Variants in FGF13 observed in about 807,000 individuals in gnomAD.
The protein encoded by FGF13 is fibroblast growth factor 13.
Under a neutral mutation model 19.5 loss-of-function variants are expected in FGF13, and 2 were observed. The observed-to-expected ratio is 0.10, with a 90% CI of 0.04 to 0.32. FGF13 has a LOEUF of 0.32. Ranked by LOEUF, FGF13 falls within the 10% of genes least tolerant of loss-of-function variation. FGF13 has a pLI of 1.00. For synonymous variants in FGF13, 72 were observed against 76.9 expected (o/e 0.94, Z 0.33); for missense variants, 113 against 192.7 (o/e 0.59, Z 2.45).
rs146996569 is a variant in FGF13, at chrX:138,785,483, A to G, written c.217+72029T>C. On this transcript the variant is annotated intron_variant, in intron 3 of 6. Coordinates refer to the FGF13 transcript ENST00000436198. ...ATGTAGCTTTTCCTTCTCCACCACT[A>G]TATAGACATCACTGTTATCAAAGTT... 8.4e-3 allele frequency among the ~76,000 whole-genome samples: 929 copies of G among 111,256 alleles called. 50 individuals are homozygous for G. In the East Asian group the frequency reaches 0.19, roughly 23 times the overall value.
At chrX:139,026,086 C>A (rs767830379) in intron 1 of FGF13, among the ~76,000 whole-genome samples, 1 of 110,959 alleles carries the variant, frequency 9.0e-6, no homozygotes, top group Non-Finnish European at 1.9e-5. Context: ...TATTCCAATT[C>A]CCATTGCCCC....
intron 3 of FGF13, among the ~76,000 whole-genome samples, chrX:138,788,013 A>G (rs916802503): frequency 9.0e-6 from 1 of 111,723 alleles, no homozygotes; most frequent in African/African-American, 3.3e-5. Flanking sequence ...AATTCATTCC[A>G]TTCAAACCAA....
chrX:139,097,834 T>C (rs772294431), intron 1 of FGF13, among the ~76,000 whole-genome samples: 10 of 111,918 alleles, frequency 8.9e-5, no homozygotes, highest in Non-Finnish European at 1.7e-4. Flanking sequence ...ATGATATCAT[T>C]GACTATATAG....
chrX:138,796,055 C>CT (rs991496259), intron 3 of FGF13, among the ~76,000 whole-genome samples: 6 of 106,020 alleles, frequency 5.7e-5, no homozygotes, highest in Admixed American at 1.0e-4. Flanking sequence ...TTGTGTCTTT[C>CT]TTTTTTTTTT....
intron 1 of FGF13, among the ~76,000 whole-genome samples, chrX:139,154,667 A>G (rs2083963274): frequency 8.9e-6 from 1 of 112,078 alleles, no homozygotes; most frequent in Non-Finnish European, 1.9e-5. Flanking sequence ...GCAATCTGCA[A>G]TAGTAAAAAT....
At chrX:138,805,860 C>G (rs920685858) in intron 3 of FGF13, among the ~76,000 whole-genome samples, 6 of 110,522 alleles carry the variant, frequency 5.4e-5, no homozygotes, top group African/African-American at 2.0e-4. Context: ...TTTTTTCACT[C>G]CCACTTTTAA....
intron 1 of FGF13, among the ~76,000 whole-genome samples, chrX:138,878,491 T>G: frequency 9.2e-6 from 1 of 108,904 alleles, no homozygotes; most frequent in Middle Eastern, 4.6e-3. Context: ...TCATCATTTT[T>G]TATGGCTGCA....
intron 3 of FGF13, among the ~76,000 whole-genome samples, chrX:138,662,940 G>A (rs186767228): frequency 1.1e-3 from 118 of 110,662 alleles, no homozygotes; most frequent in African/African-American, 3.3e-3. Flanking sequence ...CTTTTTTATT[G>A]TCTGGTCCAA....
intron 1 of FGF13, among the ~76,000 whole-genome samples, chrX:138,947,495 G>A (rs758174508): frequency 9.5e-6 from 1 of 105,540 alleles, no homozygotes; most frequent in East Asian, 3.1e-4. Flanking sequence ...TGATTGTGAA[G>A]AAAAAATAAA....
At chrX:138,962,236 A>G (rs2091874933) in intron 1 of FGF13, among the ~76,000 whole-genome samples, 1 of 112,578 alleles carries the variant, frequency 8.9e-6, no homozygotes, top group Non-Finnish European at 1.9e-5. Flanking sequence ...CAACAGACAC[A>G]TGAAAAAATG....
intron 3 of FGF13, among the ~76,000 whole-genome samples, chrX:138,748,186 A>T (rs2090369810): frequency 8.9e-6 from 1 of 112,053 alleles, no homozygotes; most frequent in African/African-American, 3.2e-5. Flanking sequence ...ATTGTTTCAT[A>T]TAATTGCACA....
chrX:138,936,709 T>C (rs1369381942), intron 1 of FGF13, among the ~76,000 whole-genome samples: 1 of 111,872 alleles, frequency 8.9e-6, no homozygotes, highest in Non-Finnish European at 1.9e-5. Context: ...ATTGAGCACC[T>C]ATTATGCATT....
chrX:138,811,855 T>C (rs1162040306), intron 3 of FGF13, among the ~76,000 whole-genome samples: 1 of 110,901 alleles, frequency 9.0e-6, no homozygotes, highest in Non-Finnish European at 1.9e-5. Flanking sequence ...CTTTACCCTT[T>C]ATTTTTGTCG....
intron 3 of FGF13, among the ~76,000 whole-genome samples, chrX:138,810,624 C>T (rs1319271172): frequency 8.9e-6 from 1 of 111,973 alleles, no homozygotes; most frequent in Non-Finnish European, 1.9e-5. Context: ...AACTTCTGCA[C>T]AGCTAAAGAA....
At chrX:138,862,687 T>A (rs2091295112) in intron 2 of FGF13, among the ~76,000 whole-genome samples, 1 of 112,264 alleles carries the variant, frequency 8.9e-6, no homozygotes, top group Admixed American at 9.5e-5. Flanking sequence ...TAAGCTTTAC[T>A]GCCACCATGG....
rs775220083 is a variant in FGF13, at chrX:138,906,151, C to A, written c.-112-41501G>T. 1.5e-3 allele frequency among the ~76,000 whole-genome samples: 165 copies of A among 111,500 alleles called. 1 individual carries two copies. The highest frequency in any genetic ancestry group is 2.7e-3 in the Non-Finnish European group (144 of 53,105). ...ATTGTCCCCAGGCTGATGATCAAAC[C>A]CTGGCTGTATTATTTATTCATGCTG... On this transcript the variant is annotated intron_variant, in intron 1 of 2. Transcript: ENST00000421460.
At chrX:139,053,777 T>C (rs2092310879) in intron 1 of FGF13, among the ~76,000 whole-genome samples, 1 of 112,045 alleles carries the variant, frequency 8.9e-6, no homozygotes, top group Non-Finnish European at 1.9e-5. Context: ...CAACTATTTA[T>C]CTTTGTTTTT....
intron 1 of FGF13, among the ~76,000 whole-genome samples, chrX:138,930,394 C>T (rs1398431373): frequency 8.9e-6 from 1 of 112,064 alleles, no homozygotes; most frequent in Non-Finnish European, 1.9e-5. Flanking sequence ...TTAATGTTCA[C>T]ATAAACAAGG....
upstream of FGF13, among the ~76,000 whole-genome samples, chrX:138,744,050 T>C (rs2090338893): frequency 9.0e-6 from 1 of 111,453 alleles, no homozygotes; most frequent in South Asian, 3.8e-4. Flanking sequence ...AGTCACTCAT[T>C]TCCTACAATA....
Sources: gnomAD v4.1 joint callset for allele counts (sites outside exome capture counted in the v4.1 genomes callset) on GRCh38, gnomAD v4.1.1 for gene constraint, MANE v1.5 for transcripts, NCBI Gene and HGNC (gene_info 2026-07-23, HGNC 2026-07-21) for gene names.